MACROD1: variants seen among roughly 807,000 people sequenced by gnomAD.
The protein encoded by MACROD1 is ADP-ribose glycohydrolase MACROD1.
In MACROD1, 31 loss-of-function variants were observed where a neutral mutation model predicts 41.4. The ratio of observed to expected loss-of-function variants is 0.75; its 90% confidence interval spans 0.56 to 1.01. MACROD1 has a LOEUF of 1.01. Ranked by LOEUF, MACROD1 falls within the 50% of genes least tolerant of loss-of-function variation. The pLI is 0.00. For synonymous variants in MACROD1, 252 were observed against 203.4 expected (o/e 1.24, Z -2.03); for missense variants, 473 against 460.0 (o/e 1.03, Z -0.26).
In MACROD1 at chr11:64,150,582, G is replaced by A. The variant is rs551993898; in HGVS notation, c.517+657C>T. Among the ~76,000 whole-genome samples the A allele has an allele frequency of 5.9e-5, 9 of 152,324 alleles. No individual in the cohort carries two copies. The South Asian group carries it at 1.7e-3, about 28-fold the overall frequency. ...AACCTGTTCCACAAGCCACCTGCTCGACTTAACCAGCCCTTGGCACCCCAT... is the reference window on the plus strand; with the variant it reads ...AACCTGTTCCACAAGCCACCTGCTCAACTTAACCAGCCCTTGGCACCCCAT... On this transcript the variant is annotated intron_variant, in intron 3 of 10. Transcript: ENST00000255681.
intron 3 of MACROD1, among the ~76,000 whole-genome samples, chr11:64,142,967 T>A (rs916068226): frequency 6.6e-6 from 1 of 151,770 alleles, no homozygotes; most frequent in Non-Finnish European, 1.5e-5. Context: ...AATAAAAAAA[T>A]TAGCTGGGAG....
chr11:64,136,365 T>A (rs1357171320), intron 3 of MACROD1, among the ~76,000 whole-genome samples: 2 of 152,246 alleles, frequency 1.3e-5, no homozygotes, highest in South Asian at 4.1e-4. Flanking sequence ...ATGGTCTCTA[T>A]AGCATAGCTT....
At position 64,021,657 on chromosome 11, in the gene MACROD1, G is replaced by T. The variant is rs955968552; in HGVS notation, c.518-6376C>A. Among the ~76,000 whole-genome samples the T allele has an allele frequency of 5.9e-5, 9 of 152,188 alleles. No individual in the cohort carries two copies. In the South Asian group the frequency reaches 8.3e-4, roughly 14 times the overall value. On this transcript the variant is annotated intron_variant, in intron 3 of 10. Transcript: ENST00000255681. ...GGAGGGGCCCCAGCCAGGAGTTGGGGGGGTGGGGGCTGCTCCCCTAAGTCA... is the reference window on the plus strand; with the variant it reads ...GGAGGGGCCCCAGCCAGGAGTTGGGTGGGTGGGGGCTGCTCCCCTAAGTCA...
chr11:64,124,528 C>T (rs2134641973), intron 3 of MACROD1, among the ~76,000 whole-genome samples: 1 of 152,340 alleles, frequency 6.6e-6, no homozygotes, highest in South Asian at 2.1e-4. Flanking sequence ...TCTCCATCCC[C>T]TCCCTTTGCT....
chr11:64,160,873 T>C (rs1590983398), intron 1 of MACROD1, among the ~76,000 whole-genome samples: 1 of 148,366 alleles, frequency 6.7e-6, no homozygotes, highest in African/African-American at 2.5e-5. Context: ...CCCAAATGCC[T>C]ATCAACAAAA....
chr11:64,070,985 A>C (rs76575138), intron 3 of MACROD1, among the ~76,000 whole-genome samples: 8,235 of 152,116 alleles, frequency 0.054, 276 homozygotes, highest in South Asian at 0.14. Context: ...GAAGGGTTTG[A>C]CTATTCAATC....
intron 3 of MACROD1, among the ~76,000 whole-genome samples, chr11:64,084,552 C>A (rs1343097137): frequency 6.6e-6 from 1 of 152,218 alleles, no homozygotes; most frequent in South Asian, 2.1e-4. Context: ...GAGGCAGTTT[C>A]TTTGCCTCTC....
intron 3 of MACROD1, among the ~76,000 whole-genome samples, chr11:64,136,514 AG>A (rs1330970327): frequency 1.3e-5 from 2 of 152,170 alleles, no homozygotes; most frequent in Admixed American, 1.3e-4. Context: ...CAAGGTCCAG[AG>A]GGGAGGGGCC....
chr11:64,117,549 T>G, intron 3 of MACROD1: 1 of 1,604,246 alleles, frequency 6.2e-7, no homozygotes, highest in Non-Finnish European at 8.5e-7. Flanking sequence ...CAACATTGAC[T>G]ACCCCATGGC....
chr11:64,151,404 G>A, intron 2 of MACROD1, 49 bp from the exon 3 acceptor site: 2 of 1,441,190 alleles, frequency 1.4e-6, no homozygotes, highest in Non-Finnish European at 1.9e-6. Flanking sequence ...GCCCACTGCA[G>A]AGGGACCCAG....
chr11:64,100,209 T>C (rs1283417548), intron 3 of MACROD1, among the ~76,000 whole-genome samples: 1 of 152,122 alleles, frequency 6.6e-6, no homozygotes, highest in Non-Finnish European at 1.5e-5. Context: ...ACAAGGTGCA[T>C]TGTCCCCTGG....
intron 4 of MACROD1, among the ~76,000 whole-genome samples, chr11:64,009,411 TC>T (rs1347005907): frequency 6.6e-6 from 1 of 151,996 alleles, no homozygotes; most frequent in Non-Finnish European, 1.5e-5. Context: ...GGCCCGTCCA[TC>T]CTGCTCTACC....
chr11:64,045,210 C>A (rs559817638), intron 3 of MACROD1, among the ~76,000 whole-genome samples: 9 of 152,140 alleles, frequency 5.9e-5, no homozygotes, highest in African/African-American at 2.2e-4. Flanking sequence ...CCCGCTGGTG[C>A]CCTCGGGAGG....
intron 3 of MACROD1, among the ~76,000 whole-genome samples, chr11:64,058,483 A>C (rs930185792): frequency 6.6e-6 from 1 of 152,256 alleles, no homozygotes; most frequent in Non-Finnish European, 1.5e-5. Flanking sequence ...AGAGCAGGTC[A>C]GGCCTTTTCC....
At position 64,059,755 on chromosome 11, in the gene MACROD1, G is replaced by A. The variant is rs78164911; in HGVS notation, c.518-44474C>T. Reference sequence around the variant, plus strand: ...GAGGCAAACGCAGGCCTTCCCCTCTGAGTCCGGGTCTATTCCCTCTCCTGA... The same window carrying A: ...GAGGCAAACGCAGGCCTTCCCCTCTAAGTCCGGGTCTATTCCCTCTCCTGA... On this transcript the variant is annotated intron_variant, in intron 3 of 10. Coordinates refer to ENST00000255681, the MANE Select transcript of MACROD1 (RefSeq NM_014067.4). Among the ~76,000 whole-genome samples, 1,088 of 152,324 alleles carry A rather than the reference G, an allele frequency of 7.1e-3. 11 individuals carry two copies. Among genetic ancestry groups the A allele is most frequent in the African/African-American group, 0.024 (1,001 of 41,572 alleles).
chr11:64,109,066 C>T (rs1944814637), intron 3 of MACROD1, among the ~76,000 whole-genome samples: 1 of 152,170 alleles, frequency 6.6e-6, no homozygotes, highest in African/African-American at 2.4e-5. Context: ...ACTTCCTCTC[C>T]CCGCCTGGCC....
intron 3 of MACROD1, among the ~76,000 whole-genome samples, chr11:64,037,571 G>C (rs1275985333): frequency 1.3e-5 from 2 of 152,176 alleles, no homozygotes; most frequent in Non-Finnish European, 2.9e-5. Context: ...CAGTGAGGGG[G>C]CCCTGGTAGG....
chr11:64,126,190 G>A (rs961035369), intron 3 of MACROD1, among the ~76,000 whole-genome samples: 14 of 152,112 alleles, frequency 9.2e-5, no homozygotes, highest in African/African-American at 3.1e-4. Context: ...ACCCCACACC[G>A]CCAGCAGCCC....
Position 64,018,138 on chromosome 11 carries a change from G to A in MACROD1, c.518-2857C>T, listed in dbSNP as rs368591994. The stretch of plus-strand genomic sequence containing the variant: ...GGCCAGGAGATGGGATTTGCCACAG[G>A]CAGGAGAGTGGCTGCGGCCCAGTGC... On this transcript the variant is annotated intron_variant, in intron 3 of 10. Transcript: ENST00000255681. Among the ~76,000 whole-genome samples the A allele has an allele frequency of 3.9e-5, 6 of 152,154 alleles. No individual in the cohort carries two copies. The East Asian group carries it at 7.7e-4, about 20-fold the overall frequency.
Sources: allele counts gnomAD v4.1 joint callset (sites outside exome capture counted in the v4.1 genomes callset), GRCh38; gene constraint gnomAD v4.1.1; transcripts MANE v1.5; gene names NCBI Gene and HGNC (gene_info 2026-07-23, HGNC 2026-07-21).